The following DLGAP2 variants were observed in gnomAD, a reference collection of about 807,000 sequenced individuals.
DLGAP2 encodes the protein DLG associated protein 2, also known as disks large-associated protein 2.
Under a neutral mutation model 100.3 loss-of-function variants are expected in DLGAP2, and 26 were observed. That is an observed-to-expected ratio of 0.26 (90% CI 0.19 to 0.36). The LOEUF is 0.36. DLGAP2 is among the 10% of genes least tolerant of loss of function. The pLI is 1.00. For synonymous variants in DLGAP2, 886 were observed against 630.1 expected, an observed-to-expected ratio of 1.41 and a Z score of -6.08; for missense variants, 1,858 against 1,453.2, an observed-to-expected ratio of 1.28 and a Z score of -4.53.
At chr8:1,323,337 C>G (rs1268501480) in intron 3 of DLGAP2, among the ~76,000 whole-genome samples, 1 of 152,176 alleles carries the variant, frequency 6.6e-6, no homozygotes, top group African/African-American at 2.4e-5. Flanking sequence ...GCCTGAAACT[C>G]ACAAGTTTTA....
chr8:1,510,694 G>A (rs1368451828), intron 4 of DLGAP2, among the ~76,000 whole-genome samples: 1 of 152,166 alleles, frequency 6.6e-6, no homozygotes, highest in African/African-American at 2.4e-5. Flanking sequence ...CTTCTCCAAG[G>A]TCATTAGTGA....
At chr8:1,534,554 C>T (rs922273574) in intron 4 of DLGAP2, among the ~76,000 whole-genome samples, 1 of 152,220 alleles carries the variant, frequency 6.6e-6, no homozygotes, top group African/African-American at 2.4e-5. Flanking sequence ...AATCACAAAA[C>T]TCCTTATGTT....
intron 2 of DLGAP2, among the ~76,000 whole-genome samples, chr8:985,237 G>A (rs1307131903): frequency 6.6e-6 from 1 of 152,202 alleles, no homozygotes; most frequent in East Asian, 1.9e-4. Context: ...CGAAGGCCTG[G>A]CTCAGCTCTC....
At chr8:1,263,506 T>C (rs1200131070) in intron 3 of DLGAP2, among the ~76,000 whole-genome samples, 1 of 152,170 alleles carries the variant, frequency 6.6e-6, no homozygotes, top group Non-Finnish European at 1.5e-5. Flanking sequence ...TCATAACTCA[T>C]AATCAAGATA....
chr8:1,631,324 G>A (rs376873426), intron 7 of DLGAP2, among the ~76,000 whole-genome samples: 5 of 152,244 alleles, frequency 3.3e-5, no homozygotes, highest in Admixed American at 1.3e-4. Flanking sequence ...ACAGAAGGGT[G>A]TCCACTGAGG....
At chr8:1,647,488 CAAAAAAAAAAAAAAAAAAAAAAAA>C (rs567451595) in intron 8 of DLGAP2, among the ~76,000 whole-genome samples, 16 of 44,982 alleles carry the variant, frequency 3.6e-4, no homozygotes, top group African/African-American at 7.5e-4. Context: ...GACTCTGTCT[CAAAAAAAAAAAAAAAAAAAAAAAA>C]AAAAAAAAAA....
At position 1,090,075 on chromosome 8, in the gene DLGAP2, C is replaced by T. The variant is rs1184368216; in HGVS notation, c.74-168776C>T. Reference sequence around the variant, plus strand: ...CCCGAGGACCTGCTGCCTGTCTGCACTCTGGAGCCCTCCTGGGCAGACAGG... The same window carrying T: ...CCCGAGGACCTGCTGCCTGTCTGCATTCTGGAGCCCTCCTGGGCAGACAGG... On this transcript the variant is annotated intron_variant, in intron 2 of 14. Transcript: ENST00000637795. 6.8e-4 allele frequency among the ~76,000 whole-genome samples: 96 copies of T among 141,004 alleles called. 1 individual carries two copies. The highest frequency in any genetic ancestry group is 2.8e-4 in the Admixed American group (4 of 14,310). The allele number at this position is 141,004 out of a possible 152,430, so 92.5% of individuals were successfully genotyped here.
intron 1 of DLGAP2, among the ~76,000 whole-genome samples, chr8:849,042 C>G (rs1029437568): frequency 6.6e-6 from 1 of 151,936 alleles, no homozygotes; most frequent in Non-Finnish European, 1.5e-5. Context: ...GGTGCCTGTT[C>G]CAGTATAGGA....
chr8:1,171,149 C>G (rs1454089798), intron 2 of DLGAP2, among the ~76,000 whole-genome samples: 2 of 152,128 alleles, frequency 1.3e-5, no homozygotes, highest in East Asian at 1.9e-4. Flanking sequence ...ACCCAGTAGT[C>G]CTTCAGGAGA....
intron 2 of DLGAP2, among the ~76,000 whole-genome samples, chr8:1,249,725 G>T (rs1281311550): frequency 6.6e-6 from 1 of 152,082 alleles, no homozygotes; most frequent in East Asian, 1.9e-4. Flanking sequence ...AGATTAAAAG[G>T]ATATAAAAAT....
chr8:1,564,209 G>T (rs376055141), intron 5 of DLGAP2, among the ~76,000 whole-genome samples: 2 of 152,164 alleles, frequency 1.3e-5, no homozygotes, highest in Non-Finnish European at 2.9e-5. Flanking sequence ...GCTGTTCAAA[G>T]CTAATGAACC....
chr8:917,781 G>T (rs914421481), intron 2 of DLGAP2, among the ~76,000 whole-genome samples: 3 of 151,922 alleles, frequency 2.0e-5, no homozygotes, highest in Non-Finnish European at 1.5e-5. Flanking sequence ...GGGTTTCACC[G>T]TGTTGGCCAG....
intron 13 of DLGAP2, among the ~76,000 whole-genome samples, chr8:1,692,774 T>C (rs1252946721): frequency 6.6e-6 from 1 of 152,028 alleles, no homozygotes; most frequent in African/African-American, 2.4e-5. Flanking sequence ...ATGAACTAGA[T>C]GATTAATACA....
chr8:1,672,325 G>A (rs1201547853), intron 10 of DLGAP2, among the ~76,000 whole-genome samples: 2 of 150,676 alleles, frequency 1.3e-5, no homozygotes, highest in Non-Finnish European at 2.9e-5. Flanking sequence ...TCCACCTCCT[G>A]AGTTCAAATG....
chr8:1,453,047 A>G (rs2130119033), intron 3 of DLGAP2, among the ~76,000 whole-genome samples: 1 of 152,292 alleles, frequency 6.6e-6, no homozygotes, highest in Admixed American at 6.5e-5. Flanking sequence ...AGGGTTAGAC[A>G]TTTCTCTGGG....
At chr8:1,344,090 G>GGGGCCCTGTCGTGGGTCCATGTATTCC (rs1563094900) in intron 3 of DLGAP2, among the ~76,000 whole-genome samples, 7 of 73,200 alleles carry the variant, frequency 9.6e-5, no homozygotes, top group South Asian at 4.6e-4. Flanking sequence ...TGTCGTACTC[G>GGGGCCCTGTCGTGGGTCCATGTATTCC]GGGCCCTGTC....
Position 1,303,355 on chromosome 8 carries a change from C to G in DLGAP2, c.106+44472C>G, listed in dbSNP as rs373296909. 1.6e-3 allele frequency among the ~76,000 whole-genome samples: 238 copies of G among 150,816 alleles called. 1 individual carries two copies. The highest frequency in any genetic ancestry group is 6.8e-3 in the Middle Eastern group (2 of 294). On this transcript the variant is annotated intron_variant, in intron 3 of 14. Coordinates refer to ENST00000637795, the MANE Select transcript of DLGAP2 (RefSeq NM_001346810.2). ...GAGCTTGCACAGAGCCGAGATCGCGCCACCGCACTCCAGCCTGGGCGACAG... is the reference window on the plus strand; with the variant it reads ...GAGCTTGCACAGAGCCGAGATCGCGGCACCGCACTCCAGCCTGGGCGACAG...
At chr8:1,365,205 C>A (rs371814593) in intron 3 of DLGAP2, among the ~76,000 whole-genome samples, 3 of 152,138 alleles carry the variant, frequency 2.0e-5, no homozygotes, top group African/African-American at 7.2e-5. Context: ...CACTTCTACC[C>A]GGTCCACACC....
intron 1 of DLGAP2, among the ~76,000 whole-genome samples, chr8:774,033 T>G (rs1228987918): frequency 1.3e-5 from 2 of 152,236 alleles, no homozygotes; most frequent in East Asian, 3.8e-4. Context: ...TTTTAATGAT[T>G]GCCATTCTAA....
Sources: gnomAD v4.1 joint callset for allele counts (sites outside exome capture counted in the v4.1 genomes callset) on GRCh38, gnomAD v4.1.1 for gene constraint, MANE v1.5 for transcripts, NCBI Gene and HGNC (gene_info 2026-07-23, HGNC 2026-07-21) for gene names.